CDH5: variants seen among roughly 807,000 people sequenced by gnomAD.
CDH5 encodes the protein cadherin-5.
In CDH5, 28 loss-of-function variants were observed where a neutral mutation model predicts 62.0. The ratio of observed to expected loss-of-function variants is 0.45; its 90% CI spans 0.33 to 0.62. CDH5 has a LOEUF of 0.62. CDH5 is among the 20% of genes least tolerant of loss of function. CDH5 has a pLI of 0.02. For synonymous variants in CDH5, 464 were observed against 445.8 expected, an observed-to-expected ratio of 1.04 and a Z score of -0.52; for missense variants, 940 against 1,065.1, an observed-to-expected ratio of 0.88 and a Z score of 1.63.
chr16:66,373,321 G>T (rs1392691438), intron 1 of CDH5, among the ~76,000 whole-genome samples: 1 of 152,088 alleles, frequency 6.6e-6, no homozygotes, highest in Non-Finnish European at 1.5e-5. Flanking sequence ...CAGTAGATCT[G>T]ACTGGCCCGG....
In CDH5 at chr16:66,403,467, C is replaced by T. The variant is rs1247906212; in HGVS notation, c.*298C>T. ...AGACCGCCGTCTAACTCAAAGACTTCCTCTGGCTCCCCAAGGCTGCAAAGC... is the reference window on the plus strand; with the variant it reads ...AGACCGCCGTCTAACTCAAAGACTTTCTCTGGCTCCCCAAGGCTGCAAAGC... On this transcript the variant is annotated 3_prime_UTR_variant, in exon 12 of 12. Coordinates refer to ENST00000341529, the MANE Select transcript of CDH5 (RefSeq NM_001795.5). This position sits in a 1 kb window ranked among gnomAD's most constrained non-coding sequence, Gnocchi z 4.3. 1 of 431,404 alleles carries T rather than the reference C, an allele frequency of 2.3e-6. No homozygotes were observed. The highest frequency in any genetic ancestry group is 2.0e-5 in the African/African-American group (1 of 50,228). The allele number at this position is 431,404 out of a possible 1,614,324, so 26.7% of individuals were successfully genotyped here. A position where few individuals can be genotyped will look rare whatever the true frequency, so the allele number is the denominator to read the frequency against.
chr16:66,379,275 C>A, intron 1 of CDH5, 44 bp from the exon 2 acceptor site: 1 of 1,428,916 alleles, frequency 7.0e-7, no homozygotes, highest in South Asian at 1.3e-5. Flanking sequence ...GTACTCCTTT[C>A]ATCGTCACTG....
rs144334690 is a variant in CDH5, at chr16:66,392,206, G to T, written c.1040G>T (p.Arg347Leu). 1.9e-6 allele frequency: 3 copies of T among 1,614,062 alleles called. No individual in the cohort carries two copies. Among genetic ancestry groups the T allele is most frequent in the Admixed American group, 3.3e-5 (2 of 60,008 alleles). The change falls in exon 7 of 12, where the codon CGA (arginine) becomes CTA (leucine). Residue 347 changes from arginine (R) to leucine (L), a missense_variant. By Grantham distance (102) the Arg-to-Leu change is moderately radical (BLOSUM62 -2). Coordinates refer to ENST00000341529, the MANE Select transcript of CDH5 (RefSeq NM_001795.5). ...GCCACAGACCCCACCATCGACCTCCGATACATGAGCCCTCCCGCGGGAAAC... is the reference window on the plus strand; with the variant it reads ...GCCACAGACCCCACCATCGACCTCCTATACATGAGCCCTCCCGCGGGAAAC... ...VEATDPTIDL[R>L]YMSPPAGNRA...
chr16:66,393,131 A>AT lies in CDH5; in HGVS notation c.1217+752dup, dbSNP rs1232272887. Reference sequence around the variant, plus strand: ...GTAAGTATAAATTCAATTCAATCTTATTTTATTGTAGATGCATAGCTGATT... The same window carrying AT: ...GTAAGTATAAATTCAATTCAATCTTATTTTTATTGTAGATGCATAGCTGATT... On this transcript the variant is annotated intron_variant, in intron 7 of 11. Transcript: ENST00000341529. The AT allele has an allele frequency of 3.3e-5, 5 of 152,346 alleles. No homozygotes were observed. The East Asian group carries it at 9.6e-4, about 29-fold the overall frequency. The allele number at this position is 152,346 out of a possible 1,614,324, so 9.4% of individuals were successfully genotyped here. A position where few individuals can be genotyped will look rare whatever the true frequency, so the allele number is the denominator to read the frequency against.
In CDH5 at chr16:66,379,229, T is replaced by A. The variant is rs183035490; in HGVS notation, c.-19-90T>A. On this transcript the variant is annotated intron_variant, in intron 1 of 11. Transcript: ENST00000341529. ...TGTTTGCCCCAGGCTTTTGGCATTATATCTAGCTGCTCTTATGTGAAATAC... is the reference window on the plus strand; with the variant it reads ...TGTTTGCCCCAGGCTTTTGGCATTAAATCTAGCTGCTCTTATGTGAAATAC... 1.2e-4 allele frequency: 117 copies of A among 939,442 alleles called. No individual in the cohort carries two copies. The African/African-American group carries it at 1.8e-3, about 15-fold the overall frequency. The allele number at this position is 939,442 out of a possible 1,614,324, so 58.2% of individuals were successfully genotyped here.
intron 3 of CDH5, among the ~76,000 whole-genome samples, chr16:66,387,993 G>A (rs1961015357): frequency 6.6e-6 from 1 of 152,154 alleles, no homozygotes; most frequent in Non-Finnish European, 1.5e-5. Flanking sequence ...CACTCCTTTG[G>A]GGGCACCTTT....
At chr16:66,379,135 C>CGACCTTTCA in intron 1 of CDH5, 184 bp from the exon 2 acceptor site, 2 of 545,594 alleles carry the variant, frequency 3.7e-6, no homozygotes, top group South Asian at 2.4e-5. Flanking sequence ...GTCCTAAAAC[C>CGACCTTTCA]GACCTTTCAT....
chr16:66,379,298 A>C (rs760313913), intron 1 of CDH5, 21 bp from the exon 2 acceptor site: 9 of 1,549,078 alleles, frequency 5.8e-6, no homozygotes, highest in South Asian at 1.2e-5. Flanking sequence ...CAGAGTCTGA[A>C]TGTGTCTCCT....
chr16:66,370,351 A>G lies in CDH5; in HGVS notation c.-20+3593A>G, dbSNP rs74026525. On this transcript the variant is annotated intron_variant, in intron 1 of 11. Coordinates refer to ENST00000341529, the MANE Select transcript of CDH5 (RefSeq NM_001795.5). ...GTTGTCAGTAAAGGATCAAAATCCT[A>G]TCGGTGGTCTTTTGGGCAGTCCCAT... Among the ~76,000 whole-genome samples, 291 of 152,240 alleles carry G rather than the reference A, an allele frequency of 1.9e-3. 1 individual carries two copies. The highest frequency in any genetic ancestry group is 6.6e-3 in the African/African-American group (275 of 41,542).
chr16:66,372,612 C>T (rs557407409), intron 1 of CDH5, among the ~76,000 whole-genome samples: 4 of 152,302 alleles, frequency 2.6e-5, no homozygotes, highest in South Asian at 4.1e-4. Flanking sequence ...ACTCAGCCTT[C>T]GGAGGACCCC....
intron 10 of CDH5, among the ~76,000 whole-genome samples, chr16:66,399,446 G>A (rs1238994525): frequency 1.3e-5 from 2 of 152,224 alleles, no homozygotes; most frequent in Admixed American, 1.3e-4. Flanking sequence ...TGGCTGTATT[G>A]CAGCAGCCCA....
At position 66,404,631 on chromosome 16, in the gene CDH5, G is replaced by T. The variant is rs1037065499; in HGVS notation, c.*1462G>T. 6.6e-6 allele frequency: 1 copy of T among 152,438 alleles called. No homozygotes were observed. Among genetic ancestry groups the T allele is most frequent in the Non-Finnish European group, 1.5e-5 (1 of 68,012 alleles). The allele number at this position is 152,438 out of a possible 1,614,324, so 9.4% of individuals were successfully genotyped here. On this transcript the variant is annotated 3_prime_UTR_variant, in exon 12 of 12. Transcript: ENST00000341529. ...ATTTAGGTTAACAATATTAATTCAG[G>T]TTTTTTAGTTGGAAAAACAATTCCT...
intron 7 of CDH5, among the ~76,000 whole-genome samples, chr16:66,394,189 A>G (rs1170215634): frequency 6.6e-6 from 1 of 152,164 alleles, no homozygotes; most frequent in African/African-American, 2.4e-5. Context: ...TACCTTCATT[A>G]TGGTTTGTAA....
chr16:66,388,937 T>C (rs1269795974), intron 4 of CDH5, among the ~76,000 whole-genome samples: 1 of 152,122 alleles, frequency 6.6e-6, no homozygotes, highest in African/African-American at 2.4e-5. Context: ...GCTTATGTGA[T>C]GACTTAACAA....
In CDH5 at chr16:66,368,891, G is replaced by A. The variant is rs564735833; in HGVS notation, c.-20+2133G>A. On this transcript the variant is annotated intron_variant, in intron 1 of 11. Coordinates refer to ENST00000341529, the MANE Select transcript of CDH5 (RefSeq NM_001795.5). ...GCCCAGTGATACCAGGGGAAGGAAT[G>A]TTCTAGGAGGCAGGGCCTCAGGAGC... Among the ~76,000 whole-genome samples the A allele has an allele frequency of 3.3e-5, 5 of 152,346 alleles. No individual in the cohort carries two copies. The South Asian group carries it at 1.0e-3, about 32-fold the overall frequency.
At chr16:66,385,695 A>G (rs1438604598) in intron 2 of CDH5, among the ~76,000 whole-genome samples, 1 of 152,262 alleles carries the variant, frequency 6.6e-6, no homozygotes, top group Admixed American at 6.5e-5. Flanking sequence ...ATCATTATGT[A>G]GCATTTCCAT....
Position 66,392,401 on chromosome 16 carries a change from G to A in CDH5, c.1217+18G>A, listed in dbSNP as rs747840566. ...AGCATTGGGTAAGGGGGCGTGTGTC[G>A]ATGAGAATGATAAGGACAATCCGGC... On this transcript the variant is annotated intron_variant, in intron 7 of 11. Coordinates refer to ENST00000341529, the MANE Select transcript of CDH5 (RefSeq NM_001795.5). 9.9e-6 allele frequency: 16 copies of A among 1,613,460 alleles called. No homozygotes were observed. Among genetic ancestry groups the A allele is most frequent in the African/African-American group, 6.7e-5 (5 of 74,900 alleles).
intron 11 of CDH5, among the ~76,000 whole-genome samples, chr16:66,402,125 A>G (rs1961293463): frequency 6.6e-6 from 1 of 152,090 alleles, no homozygotes; most frequent in African/African-American, 2.4e-5. Flanking sequence ...TCCATTTTAC[A>G]GACAAGGAAA....
At chr16:66,366,931 G>A (rs950577192) in intron 1 of CDH5, among the ~76,000 whole-genome samples, 173 bp downstream of exon 1, 6 of 152,248 alleles carry the variant, frequency 3.9e-5, no homozygotes, top group Non-Finnish European at 7.3e-5. Context: ...GTCGGGGAAG[G>A]TGCACCCAGA....
Sources: gnomAD v4.1 joint callset for allele counts (sites outside exome capture counted in the v4.1 genomes callset) on GRCh38, gnomAD v4.1.1 for gene constraint, Gnocchi (gnomAD v3.1) non-coding constraint, MANE v1.5 for transcripts, NCBI Gene and HGNC (gene_info 2026-07-23, HGNC 2026-07-21) for gene names.